PLAGL1: variants seen among roughly 807,000 people sequenced by gnomAD.
The protein encoded by PLAGL1 is PLAG1 like zinc finger 1, also known as zinc finger protein PLAGL1.
A neutral mutation model predicts 4.6 loss-of-function variants in PLAGL1; 1 was observed. The ratio of observed to expected loss-of-function variants is 0.22; its 90% CI spans 0.08 to 1.03. The LOEUF (loss-of-function observed/expected upper bound fraction) is 1.03, where lower values mean the gene tolerates loss of function less well. Among genes scored for constraint, PLAGL1 ranks in the 50% least tolerant of loss-of-function variants. PLAGL1 has a pLI of 0.58. For synonymous variants in PLAGL1, 240 were observed against 237.8 expected (o/e 1.01, Z -0.08); for missense variants, 464 against 570.4 (o/e 0.81, Z 1.90).
chr6:144,059,782 C>T lies in PLAGL1; in HGVS notation c.-151+4686G>A, dbSNP rs982197785. On this transcript the variant is annotated intron_variant, in intron 1 of 3. Transcript: ENST00000437412. This position sits in a 1 kb window ranked among gnomAD's most constrained non-coding sequence, Gnocchi z 4.9. Reference sequence around the variant, plus strand: ...ATTTTCCATCCCTGAGGCTGCCCTGCAAGTAAACCTGCTTTAGTCTTTTGG... The same window carrying T: ...ATTTTCCATCCCTGAGGCTGCCCTGTAAGTAAACCTGCTTTAGTCTTTTGG... 6.6e-6 allele frequency among the ~76,000 whole-genome samples: 1 copy of T among 152,164 alleles called. No homozygotes were observed.
rs530733394 is a variant in PLAGL1 at position 144,004,560 on chromosome 6, C to T, written c.-584+3530G>A. Among the ~76,000 whole-genome samples the T allele has an allele frequency of 1.3e-5, 2 of 152,094 alleles. No individual in the cohort carries two copies. The highest frequency in any genetic ancestry group is 1.3e-4 in the Admixed American group (2 of 15,276). On this transcript the variant is annotated intron_variant, in intron 1 of 7. Transcript: ENST00000674357. This position sits in a 1 kb window ranked among gnomAD's most constrained non-coding sequence, Gnocchi z 4.2. Reference sequence around the variant, plus strand: ...GAAAATAATACATGGTCATAGAAATCGGGACAGTAGTTGACTGGGGGAAGC... The same window carrying T: ...GAAAATAATACATGGTCATAGAAATTGGGACAGTAGTTGACTGGGGGAAGC...
chr6:144,030,281 A>AAAAAAAAAG lies in PLAGL1; in HGVS notation c.-151+34186_-151+34187insCTTTTTTTT, dbSNP rs1296064916. ...AAAAAAAAAAAAAAAAAAAAAAAAA[A>AAAAAAAAAG]AAGAAGATGTAAATTTTAATACAAT... On this transcript the variant is annotated intron_variant, in intron 1 of 3. Transcript: ENST00000437412. Among the ~76,000 whole-genome samples, 433 of 132,906 alleles carry AAAAAAAAAG rather than the reference A, an allele frequency of 3.3e-3. 31 individuals carry two copies. Among genetic ancestry groups the AAAAAAAAAG allele is most frequent in the African/African-American group, 0.012 (392 of 31,586 alleles). The allele number at this position is 132,906 out of a possible 152,430, so 87.2% of individuals were successfully genotyped here.
At chr6:144,014,600 G>A (rs1190187942) in intron 1 of PLAGL1, among the ~76,000 whole-genome samples, 1 of 152,048 alleles carries the variant, frequency 6.6e-6, no homozygotes, top group African/African-American at 2.4e-5. Context: ...TTTGTTTGGA[G>A]ACACAGTCTG....
In PLAGL1 at chr6:144,004,065, G is replaced by T. The variant is rs774119528; in HGVS notation, c.-584+4025C>A. 1.3e-5 allele frequency among the ~76,000 whole-genome samples: 2 copies of T among 152,292 alleles called. No homozygotes were observed. Among genetic ancestry groups the T allele is most frequent in the South Asian group, 2.1e-4 (1 of 4,828 alleles). On this transcript the variant is annotated intron_variant, in intron 1 of 7. Transcript: ENST00000674357. This position sits in a 1 kb window ranked among gnomAD's most constrained non-coding sequence, Gnocchi z 4.2. ...CCACATAATGTAATACCGTAGAAGA[G>T]GTGTCAATAAATTTTTTTCTGTAAA...
intron 1 of PLAGL1, chr6:144,007,765 G>A (rs2128679638): frequency 6.6e-6 from 1 of 152,312 alleles, no homozygotes; most frequent in Middle Eastern, 3.4e-3. Context: ...TCCTTGTTCT[G>A]TTTTTTTCCT....
In PLAGL1 at chr6:143,950,278, C is replaced by T. The variant is rs1033196207; in HGVS notation, c.-324-1818G>A. On this transcript the variant is annotated intron_variant, in intron 6 of 7. Transcript: ENST00000674357. This position sits in a 1 kb window ranked among gnomAD's most constrained non-coding sequence, Gnocchi z 6.3. The stretch of plus-strand genomic sequence containing the variant: ...AATTATGTGTGACTTTAACTAATTA[C>T]CTGTCCCGGCTCTGCCCAAACCCCT... 6.6e-6 allele frequency among the ~76,000 whole-genome samples: 1 copy of T among 152,190 alleles called. No homozygotes were observed. Among genetic ancestry groups the T allele is most frequent in the African/African-American group, 2.4e-5 (1 of 41,438 alleles).
chr6:143,942,720 G>C lies in PLAGL1; in HGVS notation c.153-57C>G. The C allele has an allele frequency of 2.3e-6, 3 of 1,278,918 alleles. No individual in the cohort carries two copies. The highest frequency in any genetic ancestry group is 3.3e-6 in the Non-Finnish European group (3 of 914,502). 79.2% of individuals were successfully genotyped at this position (1,278,918 alleles called of 1,614,324 possible). On this transcript the variant is annotated intron_variant, in intron 7 of 7. Coordinates refer to ENST00000674357, the MANE Select transcript of PLAGL1 (RefSeq NM_001317162.2). This position sits in a 1 kb window ranked among gnomAD's most constrained non-coding sequence, Gnocchi z 7.6. ...GAGTTGTTTTAAGAGCTGAAGAAAG[G>C]TGTAGCAACAATATTATATCAAAAT...
At position 143,960,794 on chromosome 6, in the gene PLAGL1, C is replaced by T. The variant is rs1180396960; in HGVS notation, c.-398-252G>A. The stretch of plus-strand genomic sequence containing the variant: ...ATGCAAGTGGAAAAAAAAGAACACA[C>T]AAAATTGCTTACATAATATATTCAG... On this transcript the variant is annotated intron_variant, in intron 5 of 7. Coordinates refer to ENST00000674357, the MANE Select transcript of PLAGL1 (RefSeq NM_001317162.2). The surrounding 1 kb of genome is among the most constrained non-coding windows in gnomAD (Gnocchi z 5.7). 1.3e-5 allele frequency: 2 copies of T among 152,136 alleles called. No homozygotes were observed. Among genetic ancestry groups the T allele is most frequent in the Non-Finnish European group, 2.9e-5 (2 of 68,014 alleles). 9.4% of individuals were successfully genotyped at this position (152,136 alleles called of 1,614,324 possible). A position where few individuals can be genotyped will look rare whatever the true frequency, so the allele number is the denominator to read the frequency against.
chr6:144,058,263 A>G (rs1425343673), intron 1 of PLAGL1, among the ~76,000 whole-genome samples: 1 of 152,104 alleles, frequency 6.6e-6, no homozygotes, highest in Non-Finnish European at 1.5e-5. Context: ...AGCATCACAC[A>G]CTTTTTAAAC....
Position 144,055,569 on chromosome 6 carries a change from C to T in PLAGL1, c.-151+8899G>A, listed in dbSNP as rs1171517377. On this transcript the variant is annotated intron_variant, in intron 1 of 3. Coordinates refer to the PLAGL1 transcript ENST00000437412. The surrounding 1 kb of genome is among the most constrained non-coding windows in gnomAD (Gnocchi z 5.0). ...CTTTCTCCTCCCTCCAGTCTCATCT[C>T]AACAGTCTCTTCCATTGATGGCCCT... 1.3e-5 allele frequency among the ~76,000 whole-genome samples: 2 copies of T among 152,208 alleles called. No homozygotes were observed. Among genetic ancestry groups the T allele is most frequent in the African/African-American group, 4.8e-5 (2 of 41,436 alleles).
At chr6:144,014,023 T>C (rs1795390286) in intron 1 of PLAGL1, among the ~76,000 whole-genome samples, 1 of 152,088 alleles carries the variant, frequency 6.6e-6, no homozygotes, top group Non-Finnish European at 1.5e-5. Flanking sequence ...TTCTAAACTT[T>C]ATATGGAAAT....
In PLAGL1 at chr6:143,994,755, T is replaced by C. The variant is rs1791272521; in HGVS notation, c.-583-9581A>G. On this transcript the variant is annotated intron_variant, in intron 1 of 7. Transcript: ENST00000674357. The surrounding 1 kb of genome is among the most constrained non-coding windows in gnomAD (Gnocchi z 4.3). ...GAAAACCCAAACCCTAATGTGACTG[T>C]ATTTGGAGATAGGGCCATCAGGGAG... 6.6e-6 allele frequency among the ~76,000 whole-genome samples: 1 copy of C among 152,194 alleles called. No homozygotes were observed. The highest frequency in any genetic ancestry group is 1.5e-5 in the Non-Finnish European group (1 of 68,026).
At chr6:144,049,909 TA>T (rs370052136) in intron 1 of PLAGL1, among the ~76,000 whole-genome samples, 5 of 152,106 alleles carry the variant, frequency 3.3e-5, no homozygotes, top group African/African-American at 7.2e-5. Flanking sequence ...AGGGAGAGGA[TA>T]AATTGAGTAA....
intron 1 of PLAGL1, among the ~76,000 whole-genome samples, chr6:144,029,510 TC>T (rs1255558417): frequency 6.6e-6 from 1 of 152,256 alleles, no homozygotes; most frequent in African/African-American, 2.4e-5. Context: ...ACAGCTCATT[TC>T]GTGAAGAATA....
Position 143,941,261 on chromosome 6 carries a change from C to G in PLAGL1, c.*163G>C, listed in dbSNP as rs1383749113. ...CATGAACACTCAGGACAGATTGGCACAATACATGCAGTTCGAGAATTCTCT... is the reference window on the plus strand; with the variant it reads ...CATGAACACTCAGGACAGATTGGCAGAATACATGCAGTTCGAGAATTCTCT... On this transcript the variant is annotated 3_prime_UTR_variant, in exon 8 of 8. Coordinates refer to ENST00000674357, the MANE Select transcript of PLAGL1 (RefSeq NM_001317162.2). The surrounding 1 kb of genome is among the most constrained non-coding windows in gnomAD (Gnocchi z 6.0). 1.8e-6 allele frequency: 1 copy of G among 545,740 alleles called. No homozygotes were observed. The highest frequency in any genetic ancestry group is 3.1e-6 in the Non-Finnish European group (1 of 320,054). 33.8% of individuals were successfully genotyped at this position (545,740 alleles called of 1,614,324 possible).
In PLAGL1 at chr6:143,959,771, A is replaced by C. The variant is rs1287712248; in HGVS notation, c.-325+698T>G. Among the ~76,000 whole-genome samples the C allele has an allele frequency of 2.6e-5, 4 of 152,342 alleles. No homozygotes were observed. Among genetic ancestry groups the C allele is most frequent in the Middle Eastern group, 3.4e-3 (1 of 294 alleles). ...CTGCAAGTAATACACTGTCCTAAGCAAAACGCCTAGCACAGAGTGAGTGCC... is the reference window on the plus strand; with the variant it reads ...CTGCAAGTAATACACTGTCCTAAGCCAAACGCCTAGCACAGAGTGAGTGCC... On this transcript the variant is annotated intron_variant, in intron 6 of 7. Coordinates refer to ENST00000674357, the MANE Select transcript of PLAGL1 (RefSeq NM_001317162.2). The surrounding 1 kb of genome is among the most constrained non-coding windows in gnomAD (Gnocchi z 5.3).
Position 144,063,773 on chromosome 6 carries a change from C to T in PLAGL1, c.-151+695G>A, listed in dbSNP as rs1015451328. Among the ~76,000 whole-genome samples, 6 of 152,184 alleles carry T rather than the reference C, an allele frequency of 3.9e-5. No homozygotes were observed. The highest frequency in any genetic ancestry group is 5.9e-5 in the Non-Finnish European group (4 of 68,012). Reference sequence around the variant, plus strand: ...AAACCCAACACGGCTGTGCACCCGCCAAAGTGCCCACGCCCACCGTGGCGG... The same window carrying T: ...AAACCCAACACGGCTGTGCACCCGCTAAAGTGCCCACGCCCACCGTGGCGG... On this transcript the variant is annotated intron_variant, in intron 1 of 3. Coordinates refer to the PLAGL1 transcript ENST00000437412. The surrounding 1 kb of genome is among the most constrained non-coding windows in gnomAD (Gnocchi z 5.7).
At chr6:143,967,613 A>G (rs1784647782) in intron 3 of PLAGL1, 1 of 152,222 alleles carries the variant, frequency 6.6e-6, no homozygotes, top group Admixed American at 6.5e-5. Flanking sequence ...AACAGTTACA[A>G]ATGGGCCTGG....
Position 143,968,701 on chromosome 6 carries a change from C to T in PLAGL1, c.-472+206G>A, listed in dbSNP as rs1784875281. On this transcript the variant is annotated intron_variant, in intron 3 of 7. Transcript: ENST00000674357. This position sits in a 1 kb window ranked among gnomAD's most constrained non-coding sequence, Gnocchi z 6.3. Reference sequence around the variant, plus strand: ...TTAAGTCCACATCTTAATCCCCCAACCTTATTTTCCCCCTCAAGGCCTGAA... The same window carrying T: ...TTAAGTCCACATCTTAATCCCCCAATCTTATTTTCCCCCTCAAGGCCTGAA... The T allele has an allele frequency of 6.6e-6, 1 of 152,184 alleles. No homozygotes were observed. Among genetic ancestry groups the T allele is most frequent in the East Asian group, 1.9e-4 (1 of 5,192 alleles). 9.4% of individuals were successfully genotyped at this position (152,184 alleles called of 1,614,324 possible).
Sources: allele counts gnomAD v4.1 joint callset (sites outside exome capture counted in the v4.1 genomes callset), GRCh38; gene constraint gnomAD v4.1.1; non-coding constraint Gnocchi (gnomAD v3.1); transcripts MANE v1.5; gene names NCBI Gene and HGNC (gene_info 2026-07-23, HGNC 2026-07-21).